Variants in JAKMIP3 observed in about 807,000 individuals in gnomAD.
The protein encoded by JAKMIP3 is Janus kinase and microtubule interacting protein 3, also known as janus kinase and microtubule-interacting protein 3.
JAKMIP3 carries 58 observed loss-of-function variants against 118.5 expected under a neutral mutation model. The ratio of observed to expected loss-of-function variants is 0.49; its 90% confidence interval spans 0.40 to 0.61. The LOEUF (loss-of-function observed/expected upper bound fraction) is 0.61, where lower values mean the gene tolerates loss of function less well. Among genes scored for constraint, JAKMIP3 ranks in the 20% least tolerant of loss-of-function variants. The pLI is 0.00. For missense variants in JAKMIP3, 950 were observed against 1,109.0 expected (o/e 0.86, Z 2.04); for synonymous variants, 486 against 451.2 (o/e 1.08, Z -0.98).
At chr10:132,078,907 G>T (rs146382078) in intron 1 of JAKMIP3, among the ~76,000 whole-genome samples, 6,111 of 152,322 alleles carry the variant, frequency 0.04, 188 homozygotes, top group South Asian at 0.17. Flanking sequence ...GCCGCCGTGC[G>T]CCCTGAGCTG....
At chr10:132,175,595 T>C (rs963646930) in intron 23 of JAKMIP3, among the ~76,000 whole-genome samples, 26 of 152,140 alleles carry the variant, frequency 1.7e-4, no homozygotes, top group African/African-American at 5.8e-4. Context: ...AAGCTCGAGG[T>C]GTGTTGATTA....
At chr10:132,109,093 C>CACATATATATATATACACACACAT (rs1554933694) in intron 2 of JAKMIP3, among the ~76,000 whole-genome samples, 2 of 138,850 alleles carry the variant, frequency 1.4e-5, no homozygotes, top group African/African-American at 5.6e-5. Flanking sequence ...TATACACACA[C>CACATATATATATATACACACACAT]ATATATATAT....
At chr10:132,177,820 T>C (rs2060314176) in intron 23 of JAKMIP3, among the ~76,000 whole-genome samples, 3 of 150,304 alleles carry the variant, frequency 2.0e-5, no homozygotes. Flanking sequence ...CATTTGGTTG[T>C]GCGTGCGCAC....
chr10:132,164,808 G>T, intron 21 of JAKMIP3, 73 bp downstream of exon 21: 2 of 1,027,034 alleles, frequency 1.9e-6, no homozygotes. Flanking sequence ...CCCGACCTGA[G>T]TCACTCAGCT....
At chr10:132,043,676 G>A (rs759973944) in intron 1 of JAKMIP3, among the ~76,000 whole-genome samples, 2 of 152,184 alleles carry the variant, frequency 1.3e-5, no homozygotes, top group Non-Finnish European at 2.9e-5. Flanking sequence ...AGGCAAGCCC[G>A]AGGGAAATGT....
At chr10:132,131,281 G>T (rs1206222918) in intron 3 of JAKMIP3, among the ~76,000 whole-genome samples, 1 of 150,294 alleles carries the variant, frequency 6.7e-6, no homozygotes, top group African/African-American at 2.5e-5. Flanking sequence ...AGGTAAGGGT[G>T]TGGGGGGCTG....
intron 23 of JAKMIP3, chr10:132,181,309 C>T (rs999469968): frequency 4.6e-5 from 7 of 152,314 alleles, no homozygotes; most frequent in South Asian, 2.1e-4. Context: ...TCTCTATTTG[C>T]ATGTGCCTAG....
In JAKMIP3 at chr10:132,145,281, A is replaced by G. The variant is rs2054375801; in HGVS notation, c.1686+91A>G. On this transcript the variant is annotated intron_variant, in intron 12 of 23. Coordinates refer to ENST00000684848, the MANE Select transcript of JAKMIP3 (RefSeq NM_001323087.2). ...AAAGACAAGCTTCAGTGGTGCGATC[A>G]TAACTTTCTACAGCCTTGACCTCCT... The G allele has an allele frequency of 6.1e-6, 7 of 1,138,492 alleles. No individual in the cohort carries two copies. The East Asian group carries it at 1.3e-4, about 21-fold the overall frequency. 70.5% of individuals were successfully genotyped at this position (1,138,492 alleles called of 1,614,324 possible).
At chr10:132,088,839 A>G (rs2042748693) in intron 1 of JAKMIP3, among the ~76,000 whole-genome samples, 1 of 152,190 alleles carries the variant, frequency 6.6e-6, no homozygotes, top group South Asian at 2.1e-4. Flanking sequence ...TTGTGGGTTT[A>G]GGTCTAACAT....
chr10:132,130,418 C>T (rs1439705637), intron 3 of JAKMIP3, among the ~76,000 whole-genome samples: 1 of 152,244 alleles, frequency 6.6e-6, no homozygotes, highest in African/African-American at 2.4e-5. Flanking sequence ...TCTCACAAGG[C>T]GCATTCGTGT....
At chr10:132,129,116 A>C (rs2050137832) in intron 3 of JAKMIP3, among the ~76,000 whole-genome samples, 1 of 152,172 alleles carries the variant, frequency 6.6e-6, no homozygotes, top group Non-Finnish European at 1.5e-5. Context: ...AGTTTTGTTC[A>C]AGCAGACAAG....
At chr10:132,145,495 T>C in intron 12 of JAKMIP3, 23 bp from the exon 13 acceptor site, 2 of 1,549,688 alleles carry the variant, frequency 1.3e-6, no homozygotes, top group Non-Finnish European at 1.7e-6. Context: ...AGTGTCTTTA[T>C]TTCTTTCAAT....
chr10:132,062,495 C>T (rs2038428289), upstream of JAKMIP3, among the ~76,000 whole-genome samples: 2 of 152,100 alleles, frequency 1.3e-5, no homozygotes, highest in African/African-American at 4.8e-5. Context: ...ACCAACACAG[C>T]GCATGGTTAT....
chr10:132,163,080 G>T, intron 19 of JAKMIP3, 129 bp from the exon 20 acceptor site: 1 of 866,976 alleles, frequency 1.2e-6, no homozygotes, highest in South Asian at 1.7e-5. Flanking sequence ...CACAGCACTG[G>T]GTCCCTCCCT....
At position 132,117,376 on chromosome 10, in the gene JAKMIP3, G is replaced by A. The variant is rs763116421; in HGVS notation, c.435G>A (p.Lys145=). 4 of 1,613,888 alleles carry A rather than the reference G, an allele frequency of 2.5e-6. No individual in the cohort carries two copies. The highest frequency in any genetic ancestry group is 2.7e-5 in the African/African-American group (2 of 74,930). Residue 145 remains lysine (K), a synonymous_variant, in exon 3 of 24, where the codon AAG becomes AAA. Coordinates refer to ENST00000684848, the MANE Select transcript of JAKMIP3 (RefSeq NM_001323087.2). This position sits in a 1 kb window ranked among gnomAD's most constrained non-coding sequence, Gnocchi z 8.6. ...CCGAGGCCAAGGAGGAGGCCAAGAAGGGGTTCGAGGTGGAGAAGGTCAAGA... is the reference window on the plus strand; with the variant it reads ...CCGAGGCCAAGGAGGAGGCCAAGAAAGGGTTCGAGGTGGAGAAGGTCAAGA... The part of the protein sequence containing the change: ...LLSEAKEEAK[K]GFEVEKVKMQ...
At position 132,097,917 on chromosome 10, in the gene JAKMIP3, CCCCTTT is replaced by C. The variant is rs1338297338; in HGVS notation, c.-137-6752_-137-6747del. On this transcript the variant is annotated intron_variant, in intron 1 of 23. Transcript: ENST00000684848. Reference sequence around the variant, plus strand: ...TCCCCTTCCCCTTCCCCTTCCCCTTCCCCTTTCCTTCCCCTTCCCCTTTCCCTTTCC... The same window carrying C: ...TCCCCTTCCCCTTCCCCTTCCCCTTCCCTTCCCCTTCCCCTTTCCCTTTCC... Among the ~76,000 whole-genome samples the C allele has an allele frequency of 8.9e-5, 5 of 55,890 alleles. 2 individuals carry two copies. Among genetic ancestry groups the C allele is most frequent in the Admixed American group, 3.6e-4 (2 of 5,490 alleles). 36.7% of individuals were successfully genotyped at this position (55,890 alleles called of 152,430 possible). A position where few individuals can be genotyped will look rare whatever the true frequency, so the allele number is the denominator to read the frequency against.
chr10:132,087,786 C>A (rs2042584781), intron 1 of JAKMIP3, among the ~76,000 whole-genome samples: 2 of 151,784 alleles, frequency 1.3e-5, no homozygotes, highest in African/African-American at 4.8e-5. Context: ...TATACATGCA[C>A]CATGTTGGTG....
chr10:132,066,305 C>T (rs2038759675), intron 1 of JAKMIP3, among the ~76,000 whole-genome samples: 1 of 152,202 alleles, frequency 6.6e-6, no homozygotes, highest in Admixed American at 6.5e-5. Flanking sequence ...GCCTGCGTTC[C>T]CAGTAGTAGG....
chr10:132,122,419 G>T (rs1194152355), intron 3 of JAKMIP3, among the ~76,000 whole-genome samples: 1 of 152,280 alleles, frequency 6.6e-6, no homozygotes, highest in African/African-American at 2.4e-5. Flanking sequence ...ACGGGAGGCT[G>T]TTGCCATCTC....
Sources: gnomAD v4.1 joint callset for allele counts (sites outside exome capture counted in the v4.1 genomes callset) on GRCh38, gnomAD v4.1.1 for gene constraint, Gnocchi (gnomAD v3.1) non-coding constraint, MANE v1.5 for transcripts, NCBI Gene and HGNC (gene_info 2026-07-23, HGNC 2026-07-21) for gene names.